SLC9A9: variants seen among roughly 807,000 people sequenced by gnomAD.
The protein encoded by SLC9A9 is sodium/hydrogen exchanger 9.
SLC9A9 carries 62 observed loss-of-function variants against 77.8 expected under a neutral mutation model. The ratio of observed to expected loss-of-function variants is 0.80; its 90% CI spans 0.65 to 0.98. The LOEUF (loss-of-function observed/expected upper bound fraction) is 0.98. Among genes scored for constraint, SLC9A9 ranks in the 50% least tolerant of loss-of-function variants. The probability of loss-of-function intolerance (pLI) is 0.00; values close to 1 mark genes in which losing one functional copy is unlikely to be tolerated. For synonymous variants in SLC9A9, 320 were observed against 283.5 expected (o/e 1.13, Z -1.29); for missense variants, 775 against 774.9 (o/e 1.00, Z 0.00).
intron 12 of SLC9A9, among the ~76,000 whole-genome samples, chr3:143,417,720 T>C (rs1190519091): frequency 6.6e-6 from 1 of 152,014 alleles, no homozygotes; most frequent in African/African-American, 2.4e-5. Context: ...ATATTGGTCA[T>C]CTCTGACTCC....
At position 143,796,816 on chromosome 3, in the gene SLC9A9, A is replaced by G. The variant is rs1287282882; in HGVS notation, c.456+10T>C. The G allele has an allele frequency of 5.7e-6, 9 of 1,577,800 alleles. No individual in the cohort carries two copies. The highest frequency in any genetic ancestry group is 3.4e-5 in the South Asian group (3 of 89,040). On this transcript the variant is annotated intron_variant, in intron 3 of 15. Transcript: ENST00000316549. ...ATGATAAAAGAAGAAAATGATCACT[A>G]TATATTTACCTTCTTTAGACTATAT...
At chr3:143,468,902 C>A (rs1272633272) in intron 11 of SLC9A9, among the ~76,000 whole-genome samples, 1 of 152,252 alleles carries the variant, frequency 6.6e-6, no homozygotes, top group East Asian at 1.9e-4. Flanking sequence ...TGGTTCACGC[C>A]TGTAATCCCA....
intron 6 of SLC9A9, among the ~76,000 whole-genome samples, chr3:143,610,804 A>G (rs1001929173): frequency 4.6e-5 from 7 of 152,344 alleles, no homozygotes; most frequent in African/African-American, 1.7e-4. Context: ...AATGAGATTT[A>G]GAGGTGCCTT....
At chr3:143,583,627 A>G (rs1412122358) in intron 6 of SLC9A9, among the ~76,000 whole-genome samples, 1 of 152,244 alleles carries the variant, frequency 6.6e-6, no homozygotes, top group Non-Finnish European at 1.5e-5. Flanking sequence ...CTATAAAATG[A>G]TGATGACAAT....
chr3:143,660,145 G>A (rs1457900480), intron 5 of SLC9A9, among the ~76,000 whole-genome samples: 1 of 152,194 alleles, frequency 6.6e-6, no homozygotes, highest in Non-Finnish European at 1.5e-5. Flanking sequence ...GACTAATACA[G>A]TTATGGATCT....
chr3:143,790,982 C>G lies in SLC9A9; in HGVS notation c.533+4019G>C, dbSNP rs551165849. Among the ~76,000 whole-genome samples the G allele has an allele frequency of 1.4e-4, 21 of 152,280 alleles. No homozygotes were observed. The South Asian group carries it at 4.4e-3, about 32-fold the overall frequency. ...TCTTAGAACAAAATGTATGTGCTGA[C>G]AGTGAGCTTCAGCTAGGTTGTCATT... is the stretch of plus-strand genomic sequence containing the variant. On this transcript the variant is annotated intron_variant, in intron 4 of 15. Transcript: ENST00000316549.
intron 1 of SLC9A9, among the ~76,000 whole-genome samples, chr3:143,837,322 A>G (rs1364182848): frequency 6.6e-6 from 1 of 152,150 alleles, no homozygotes; most frequent in Non-Finnish European, 1.5e-5. Context: ...GCCTAATTAG[A>G]CTATTACAAA....
In SLC9A9 at chr3:143,461,921, T is replaced by C. The variant is rs76113480; in HGVS notation, c.1469+5116A>G. 1.6e-3 allele frequency among the ~76,000 whole-genome samples: 250 copies of C among 152,316 alleles called. 2 individuals are homozygous for C. In the East Asian group the frequency reaches 0.034, roughly 21 times the overall value. ...TGCTATTATTTAAGACTTAAAGATA[T>C]TACTAAGGACAGTTCTCTTTTTATC... On this transcript the variant is annotated intron_variant, in intron 12 of 15. Transcript: ENST00000316549.
In SLC9A9 at chr3:143,515,570, G is replaced by T. The variant is rs543514551; in HGVS notation, c.1090-20122C>A. ...CTAGATACTGTATCACATAGAGGAA[G>T]TTCTTCCCTTTTATACCTTGCCAAA... is the stretch of plus-strand genomic sequence containing the variant. On this transcript the variant is annotated intron_variant, in intron 9 of 15. Transcript: ENST00000316549. Among the ~76,000 whole-genome samples the T allele has an allele frequency of 2.0e-5, 3 of 152,256 alleles. No homozygotes were observed. In the South Asian group the frequency reaches 6.2e-4, roughly 32 times the overall value.
chr3:143,471,638 T>A (rs1403297030), intron 11 of SLC9A9, among the ~76,000 whole-genome samples: 2 of 152,160 alleles, frequency 1.3e-5, no homozygotes, highest in Non-Finnish European at 2.9e-5. Context: ...TGAGTTTGAG[T>A]CTTTGGGTTT....
At chr3:143,804,997 G>T (rs1283150020) in intron 2 of SLC9A9, among the ~76,000 whole-genome samples, 1 of 152,056 alleles carries the variant, frequency 6.6e-6, no homozygotes, top group Non-Finnish European at 1.5e-5. Context: ...GAAGAGTATT[G>T]TTTTTACCTA....
At chr3:143,318,463 A>G (rs185735331) in intron 14 of SLC9A9, among the ~76,000 whole-genome samples, 44 of 152,324 alleles carry the variant, frequency 2.9e-4, no homozygotes, top group Admixed American at 2.9e-3. Flanking sequence ...ACAGAGGAGA[A>G]AAGTGATTTG....
Position 143,467,043 on chromosome 3 carries a change from T to G in SLC9A9, c.1463A>C (p.Gln488Pro), listed in dbSNP as rs1440314754. 1.9e-6 allele frequency: 3 copies of G among 1,613,732 alleles called. No homozygotes were observed. Among genetic ancestry groups the G allele is most frequent in the South Asian group, 2.2e-5 (2 of 90,940 alleles). ...GCTAGACGGTGTCACTCACCTGATC[T>G]GAAGCCAAGTCAACATGGGGGTTGT... ...GGTTPMLTWL[Q>P]IRVGVDLDEN... Residue 488 changes from glutamine to proline, a missense_variant, in exon 12 of 16, where the codon CAG becomes CCG. Transcript: ENST00000316549.
chr3:143,463,329 C>T (rs978794850), intron 12 of SLC9A9, among the ~76,000 whole-genome samples: 2 of 152,190 alleles, frequency 1.3e-5, no homozygotes, highest in Non-Finnish European at 2.9e-5. Context: ...TTTCTTGGCT[C>T]CATGCGGTGC....
chr3:143,667,411 A>G (rs1429550179), intron 5 of SLC9A9, among the ~76,000 whole-genome samples: 7 of 152,264 alleles, frequency 4.6e-5, no homozygotes, highest in Non-Finnish European at 8.8e-5. Flanking sequence ...CATTCAGGAC[A>G]TAGGCATGGG....
At chr3:143,740,215 A>G (rs1281426902) in intron 4 of SLC9A9, among the ~76,000 whole-genome samples, 2 of 152,202 alleles carry the variant, frequency 1.3e-5, no homozygotes, top group Non-Finnish European at 2.9e-5. Context: ...GAAGGAGAGA[A>G]GCATTGCTAC....
At position 143,493,669 on chromosome 3, in the gene SLC9A9, G is replaced by A. The variant is rs777348368; in HGVS notation, c.1299C>T (p.His433=). The change falls in exon 11 of 16, where the codon CAC becomes CAT. Residue 433 remains histidine, a synonymous_variant. Transcript: ENST00000316549. ...RKQKIPWNFQ[H]MMMFSGLRGA... ...TTCACATACCTGAAAACATCATCAT[G>A]TGCTGAAAGTTCCAGGGGATCTTCT... The A allele has an allele frequency of 6.2e-7, 1 of 1,613,426 alleles. No homozygotes were observed. Among genetic ancestry groups the A allele is most frequent in the South Asian group, 1.1e-5 (1 of 91,072 alleles).
At chr3:143,393,713 T>C (rs983567352) in intron 12 of SLC9A9, among the ~76,000 whole-genome samples, 9 of 151,206 alleles carry the variant, frequency 6.0e-5, no homozygotes, top group African/African-American at 1.9e-4. Flanking sequence ...GCAAGACTAA[T>C]AAAGAAGAAA....
intron 13 of SLC9A9, among the ~76,000 whole-genome samples, chr3:143,366,863 G>T (rs1404417725): frequency 6.6e-6 from 1 of 152,134 alleles, no homozygotes; most frequent in Admixed American, 6.5e-5. Flanking sequence ...TAGTGCAAAA[G>T]GGGAAGTTAG....
Sources: allele counts gnomAD v4.1 joint callset (sites outside exome capture counted in the v4.1 genomes callset), GRCh38; gene constraint gnomAD v4.1.1; transcripts MANE v1.5; gene names NCBI Gene and HGNC (gene_info 2026-07-23, HGNC 2026-07-21).